Variants in CEP128 observed in about 807,000 individuals in gnomAD.
The protein encoded by CEP128 is centrosomal protein 128kDa.
In CEP128, 132 loss-of-function variants were observed where a neutral mutation model predicts 156.7. The ratio of observed to expected loss-of-function variants is 0.84; its 90% CI spans 0.73 to 0.97. The LOEUF is 0.97. Ranked by LOEUF, CEP128 falls within the 50% of genes least tolerant of loss-of-function variation. The pLI is 0.00. For synonymous variants in CEP128, 469 were observed against 448.9 expected (o/e 1.04, Z -0.57); for missense variants, 1,252 against 1,281.9 (o/e 0.98, Z 0.36).
chr14:80,888,784 A>G (rs1888934648), intron 8 of CEP128, among the ~76,000 whole-genome samples: 1 of 152,206 alleles, frequency 6.6e-6, no homozygotes, highest in African/African-American at 2.4e-5. Flanking sequence ...GGCCAGGGCA[A>G]TCAGGCAAGA....
chr14:80,613,044 C>G (rs538469858), intron 19 of CEP128, among the ~76,000 whole-genome samples: 139 of 137,692 alleles, frequency 1.0e-3, no homozygotes, highest in African/African-American at 3.6e-3. Flanking sequence ...TTAGTAGAGA[C>G]GGGGTTTCAC....
intron 19 of CEP128, among the ~76,000 whole-genome samples, chr14:80,673,392 C>T (rs1895920924): frequency 6.6e-6 from 1 of 151,758 alleles, no homozygotes; most frequent in Non-Finnish European, 1.5e-5. Flanking sequence ...GCCTGTAATC[C>T]CAGCACTTTG....
At chr14:80,913,868 C>CTT (rs1211545631) in intron 4 of CEP128, among the ~76,000 whole-genome samples, 1 of 152,164 alleles carries the variant, frequency 6.6e-6, no homozygotes, top group Non-Finnish European at 1.5e-5. Context: ...GACTTCATCA[C>CTT]TATACAATTC....
At chr14:80,536,965 T>C (rs765658832) in intron 21 of CEP128, among the ~76,000 whole-genome samples, 58 of 152,248 alleles carry the variant, frequency 3.8e-4, no homozygotes, top group Non-Finnish European at 7.6e-4. Flanking sequence ...AACATGGCAC[T>C]ATGACATCAG....
intron 19 of CEP128, among the ~76,000 whole-genome samples, chr14:80,603,528 A>T (rs1892660803): frequency 6.6e-6 from 1 of 152,192 alleles, no homozygotes; most frequent in Non-Finnish European, 1.5e-5. Flanking sequence ...AAACATGGGA[A>T]GACCACTATT....
intron 13 of CEP128, among the ~76,000 whole-genome samples, chr14:80,823,981 T>C (rs1396345729): frequency 6.6e-6 from 1 of 152,224 alleles, no homozygotes; most frequent in Non-Finnish European, 1.5e-5. Context: ...TGCCTAGGCA[T>C]CCAGGCATTT....
At chr14:80,716,660 C>T (rs1897617858) in intron 19 of CEP128, among the ~76,000 whole-genome samples, 2 of 152,138 alleles carry the variant, frequency 1.3e-5, no homozygotes, top group East Asian at 1.9e-4. Context: ...GATGGACATT[C>T]GGGTTGTTTA....
intron 19 of CEP128, among the ~76,000 whole-genome samples, chr14:80,584,002 C>T (rs1891698412): frequency 6.6e-6 from 1 of 152,152 alleles, no homozygotes. Context: ...TATCATCCTG[C>T]TCTGTCTAAT....
chr14:80,594,477 C>A (rs1441395900), intron 19 of CEP128, among the ~76,000 whole-genome samples: 1 of 152,134 alleles, frequency 6.6e-6, no homozygotes, highest in Non-Finnish European at 1.5e-5. Flanking sequence ...TAAATGGGAT[C>A]TAATTAAACT....
At chr14:80,889,400 A>T (rs1475881894) in intron 8 of CEP128, among the ~76,000 whole-genome samples, 1 of 152,220 alleles carries the variant, frequency 6.6e-6, no homozygotes. Context: ...ACAGTAACCA[A>T]AACAGCATGG....
chr14:80,502,596 CAT>C (rs1253375086), intron 24 of CEP128, among the ~76,000 whole-genome samples: 1 of 152,078 alleles, frequency 6.6e-6, no homozygotes, highest in Non-Finnish European at 1.5e-5. Context: ...TTATGGCAAT[CAT>C]ATTTTAAAAT....
At chr14:80,719,496 T>C (rs1897734251) in intron 19 of CEP128, among the ~76,000 whole-genome samples, 1 of 152,160 alleles carries the variant, frequency 6.6e-6, no homozygotes, top group Non-Finnish European at 1.5e-5. Context: ...TTAAAAAGAT[T>C]ATCTTTCCTA....
intron 19 of CEP128, among the ~76,000 whole-genome samples, chr14:80,589,893 C>T (rs1483956518): frequency 6.6e-6 from 1 of 152,012 alleles, no homozygotes; most frequent in Non-Finnish European, 1.5e-5. Context: ...ATGTCATTTA[C>T]CAGAATGTAG....
intron 19 of CEP128, among the ~76,000 whole-genome samples, chr14:80,698,933 C>T (rs1402077802): frequency 6.6e-6 from 1 of 151,862 alleles, no homozygotes; most frequent in Non-Finnish European, 1.5e-5. Context: ...TAGCAGTAGA[C>T]CTGAATAGCC....
intron 21 of CEP128, among the ~76,000 whole-genome samples, chr14:80,539,363 A>G (rs954974003): frequency 6.6e-6 from 1 of 152,184 alleles, no homozygotes; most frequent in Middle Eastern, 3.2e-3. Context: ...GGGACAGGAT[A>G]TGTTGCGGGA....
intron 21 of CEP128, among the ~76,000 whole-genome samples, chr14:80,554,495 G>A (rs936975807): frequency 6.6e-6 from 1 of 151,982 alleles, no homozygotes; most frequent in Non-Finnish European, 1.5e-5. Flanking sequence ...TTTGGGCTTG[G>A]TAGCCCTTTT....
At chr14:80,936,630 G>A (rs1157781271) in intron 2 of CEP128, among the ~76,000 whole-genome samples, 1 of 151,958 alleles carries the variant, frequency 6.6e-6, no homozygotes, top group African/African-American at 2.4e-5. Context: ...AAAACTAAAA[G>A]AAAAACTCAC....
At chr14:80,697,541 TTAAAA>T (rs1430812227) in intron 19 of CEP128, among the ~76,000 whole-genome samples, 1 of 152,118 alleles carries the variant, frequency 6.6e-6, no homozygotes, top group African/African-American at 2.4e-5. Context: ...GATTTTATTC[TTAAAA>T]TAAGAAGGCA....
At chr14:80,567,665 A>G (rs551960328) in intron 20 of CEP128, among the ~76,000 whole-genome samples, 15 of 152,316 alleles carry the variant, frequency 9.8e-5, no homozygotes, top group African/African-American at 3.6e-4. Flanking sequence ...GAAGGGCAAG[A>G]GACAGAATTA....
Sources: gnomAD v4.1 joint callset for allele counts (sites outside exome capture counted in the v4.1 genomes callset) on GRCh38, gnomAD v4.1.1 for gene constraint, MANE v1.5 for transcripts, NCBI Gene and HGNC (gene_info 2026-07-23, HGNC 2026-07-21) for gene names.